CNTNAP5: variants seen among roughly 807,000 people sequenced by gnomAD.
CNTNAP5 encodes contactin-associated protein-like 5.
Under a neutral mutation model 150.2 loss-of-function variants are expected in CNTNAP5, and 72 were observed. The observed-to-expected ratio is 0.48, with a 90% CI of 0.40 to 0.58. The LOEUF (loss-of-function observed/expected upper bound fraction) is 0.58, where lower values mean the gene tolerates loss of function less well. CNTNAP5 is among the 20% of genes least tolerant of loss of function. The pLI is 0.00. For synonymous variants in CNTNAP5, 672 were observed against 619.8 expected, an observed-to-expected ratio of 1.08 and a Z score of -1.25; for missense variants, 1,636 against 1,626.2, an observed-to-expected ratio of 1.01 and a Z score of -0.10.
chr2:124,390,644 G>C (rs1286559982), intron 3 of CNTNAP5, among the ~76,000 whole-genome samples: 1 of 152,138 alleles, frequency 6.6e-6, no homozygotes, highest in Non-Finnish European at 1.5e-5. Context: ...CAACATGTCA[G>C]TTTGTACTAA....
At chr2:124,199,032 C>T (rs1001006288) in intron 1 of CNTNAP5, among the ~76,000 whole-genome samples, 10 of 152,216 alleles carry the variant, frequency 6.6e-5, no homozygotes, top group Admixed American at 2.0e-4. Context: ...AATATTCACA[C>T]GGCAATTACT....
intron 1 of CNTNAP5, among the ~76,000 whole-genome samples, chr2:124,123,907 C>T (rs1324689903): frequency 6.6e-6 from 1 of 152,132 alleles, no homozygotes; most frequent in Non-Finnish European, 1.5e-5. Context: ...ATCTGTGTGT[C>T]ACCATCATCA....
intron 1 of CNTNAP5, among the ~76,000 whole-genome samples, chr2:124,154,556 T>G (rs1684480532): frequency 6.6e-6 from 1 of 152,212 alleles, no homozygotes; most frequent in South Asian, 2.1e-4. Context: ...TCCTGCACTC[T>G]GTCCTGCCAC....
Position 124,025,725 on chromosome 2 carries a change from G to A in CNTNAP5, c.75G>A (p.Ala25=). ...GCTTGTGGCATTTAGGATTAACAGCGACAAACTGTGAGTACGAGGAGCTGG... is the reference window on the plus strand; with the variant it reads ...GCTTGTGGCATTTAGGATTAACAGCAACAAACTGTGAGTACGAGGAGCTGG... The part of the protein sequence containing the change: ...FSGLWHLGLT[A]TNYNCDDPLA... The change falls in exon 1 of 24, where the codon GCG becomes GCA. Residue 25 remains alanine (A), a synonymous_variant. Transcript: ENST00000682447. 1 of 1,612,854 alleles carries A rather than the reference G, an allele frequency of 6.2e-7. No homozygotes were observed. Among genetic ancestry groups the A allele is most frequent in the Non-Finnish European group, 8.5e-7 (1 of 1,178,976 alleles).
chr2:124,453,757 C>T (rs1175161355), intron 6 of CNTNAP5, among the ~76,000 whole-genome samples: 1 of 152,092 alleles, frequency 6.6e-6, no homozygotes, highest in Non-Finnish European at 1.5e-5. Context: ...CAATTATCAG[C>T]CAAGAATTTT....
chr2:124,472,838 C>T (rs994309870), intron 6 of CNTNAP5, among the ~76,000 whole-genome samples: 2 of 151,598 alleles, frequency 1.3e-5, no homozygotes, highest in African/African-American at 4.8e-5. Flanking sequence ...AAGTGAGCAC[C>T]CACTGTTGGA....
intron 3 of CNTNAP5, among the ~76,000 whole-genome samples, chr2:124,276,551 C>G (rs1687887512): frequency 6.6e-6 from 1 of 152,014 alleles, no homozygotes; most frequent in Non-Finnish European, 1.5e-5. Context: ...GAGCCCAATC[C>G]AAGGAGTGGA....
At chr2:124,594,826 G>A (rs1416917287) in intron 11 of CNTNAP5, among the ~76,000 whole-genome samples, 2 of 108,486 alleles carry the variant, frequency 1.8e-5, no homozygotes, top group Admixed American at 2.2e-4. Context: ...GCAGTGGTTT[G>A]TAATTCTCCT....
intron 17 of CNTNAP5, among the ~76,000 whole-genome samples, chr2:124,778,795 C>T (rs760623457): frequency 2.6e-5 from 4 of 151,662 alleles, no homozygotes; most frequent in African/African-American, 4.8e-5. Flanking sequence ...ATGTAGTGTC[C>T]GACTCACATT....
chr2:124,095,606 C>A (rs1490377261), intron 1 of CNTNAP5, among the ~76,000 whole-genome samples: 1 of 152,192 alleles, frequency 6.6e-6, no homozygotes, highest in Admixed American at 6.5e-5. Context: ...ACTATCCCTC[C>A]TTCCACAGGA....
At chr2:124,051,064 G>A (rs187073703) in intron 1 of CNTNAP5, among the ~76,000 whole-genome samples, 1 of 152,290 alleles carries the variant, frequency 6.6e-6, no homozygotes, top group African/African-American at 2.4e-5. Flanking sequence ...TATTACAGAT[G>A]GCTGAGGTGG....
At chr2:124,106,623 G>A (rs779805929) in intron 1 of CNTNAP5, among the ~76,000 whole-genome samples, 25 of 152,162 alleles carry the variant, frequency 1.6e-4, no homozygotes, top group Non-Finnish European at 2.6e-4. Flanking sequence ...TCCGAATGCA[G>A]CTCCTCCATT....
intron 1 of CNTNAP5, among the ~76,000 whole-genome samples, chr2:124,047,946 C>T (rs2104639358): frequency 6.6e-6 from 1 of 152,300 alleles, no homozygotes; most frequent in African/African-American, 2.4e-5. Flanking sequence ...CAAGCATGCA[C>T]ATGTGCATAC....
intron 3 of CNTNAP5, among the ~76,000 whole-genome samples, chr2:124,356,129 A>G (rs1689996448): frequency 6.6e-6 from 1 of 152,190 alleles, no homozygotes; most frequent in Non-Finnish European, 1.5e-5. Context: ...CATGATTTGA[A>G]AACTGTCTTC....
intron 3 of CNTNAP5, among the ~76,000 whole-genome samples, chr2:124,295,764 G>T (rs546667419): frequency 6.6e-6 from 1 of 152,158 alleles, no homozygotes; most frequent in African/African-American, 2.4e-5. Flanking sequence ...AGTTTTCCAG[G>T]AATGAGGTGG....
chr2:124,484,449 G>C (rs538242076), intron 7 of CNTNAP5, among the ~76,000 whole-genome samples: 7 of 152,230 alleles, frequency 4.6e-5, no homozygotes, highest in Admixed American at 3.3e-4. Flanking sequence ...CCACGTAATG[G>C]ATACAAAATT....
intron 7 of CNTNAP5, among the ~76,000 whole-genome samples, chr2:124,501,414 G>C (rs1694276673): frequency 1.3e-5 from 2 of 152,112 alleles, no homozygotes; most frequent in Non-Finnish European, 2.9e-5. Context: ...GGAATAGGAG[G>C]AATGATATTT....
At chr2:124,904,644 A>G (rs1183476351) in intron 22 of CNTNAP5, among the ~76,000 whole-genome samples, 1 of 152,174 alleles carries the variant, frequency 6.6e-6, no homozygotes, top group Admixed American at 6.6e-5. Flanking sequence ...TGCTTATTCA[A>G]TAAATTGTGA....
chr2:124,799,061 T>A (rs1681910790), intron 19 of CNTNAP5, among the ~76,000 whole-genome samples: 1 of 152,206 alleles, frequency 6.6e-6, no homozygotes, highest in Non-Finnish European at 1.5e-5. Flanking sequence ...AAATTTTATT[T>A]ATTATTTAAG....
Sources: gnomAD v4.1 joint callset for allele counts (sites outside exome capture counted in the v4.1 genomes callset) on GRCh38, gnomAD v4.1.1 for gene constraint, MANE v1.5 for transcripts, NCBI Gene and HGNC (gene_info 2026-07-23, HGNC 2026-07-21) for gene names.